RANBP2: variants seen among roughly 807,000 people sequenced by gnomAD.
The protein encoded by RANBP2 is E3 SUMO-protein ligase RanBP2.
RANBP2 carries 57 observed loss-of-function variants against 303.6 expected under a neutral mutation model. That is an observed-to-expected ratio of 0.19 (90% CI 0.15 to 0.23). The LOEUF is 0.23. Among genes scored for constraint, RANBP2 ranks in the 10% least tolerant of loss-of-function variants. The pLI, the probability that RANBP2 is intolerant of heterozygous loss-of-function variation, is 1.00. For synonymous variants in RANBP2, 1,167 were observed against 1,301.5 expected (o/e 0.90, Z 2.23); for missense variants, 3,138 against 3,780.8 (o/e 0.83, Z 4.46).
At chr2:109,566,703 C>G in the RANBP2 span, among the ~76,000 whole-genome samples, 139,059 of 152,060 alleles carry the variant, frequency 0.91, 63,738 homozygotes, top group Middle Eastern at 0.97. Context: ...AGCTAACCCA[C>G]ATCAAGAAGA....
chr2:108,832,651 A>G, the RANBP2 span, among the ~76,000 whole-genome samples: 52 of 152,300 alleles, frequency 3.4e-4, no homozygotes, highest in African/African-American at 1.2e-3. Flanking sequence ...TTTGAGAACC[A>G]CTGGTATAGG....
chr2:109,070,995 G>A, the RANBP2 span, among the ~76,000 whole-genome samples: 5 of 152,168 alleles, frequency 3.3e-5, no homozygotes, highest in African/African-American at 9.7e-5. Flanking sequence ...AGGAGCAGAT[G>A]TGAGCAAATT....
At chr2:109,399,387 G>A in the RANBP2 span, among the ~76,000 whole-genome samples, 1 of 152,100 alleles carries the variant, frequency 6.6e-6, no homozygotes, top group Non-Finnish European at 1.5e-5. Flanking sequence ...CTACATTGTT[G>A]AGTACTTTCG....
chr2:108,970,607 G>C, the RANBP2 span, among the ~76,000 whole-genome samples: 2 of 152,102 alleles, frequency 1.3e-5, no homozygotes, highest in East Asian at 1.9e-4. Context: ...GGTGGGGCAG[G>C]GGACCAAGGT....
the RANBP2 span, among the ~76,000 whole-genome samples, chr2:108,868,308 G>A: frequency 2.0e-5 from 3 of 152,146 alleles, no homozygotes; most frequent in Admixed American, 6.5e-5. Flanking sequence ...ATTACTGAAA[G>A]TAACTTGTAG....
the RANBP2 span, among the ~76,000 whole-genome samples, chr2:109,170,317 C>T: frequency 7.9e-6 from 1 of 126,990 alleles, no homozygotes; most frequent in African/African-American, 3.0e-5. Context: ...CTCTTCTCTC[C>T]TCTCTCTCTC....
chr2:109,563,940 G>A, the RANBP2 span, among the ~76,000 whole-genome samples: 1 of 152,140 alleles, frequency 6.6e-6, no homozygotes, highest in Non-Finnish European at 1.5e-5. Flanking sequence ...GGGCAACATA[G>A]TAAGACCCTG....
chr2:108,894,778 A>C, the RANBP2 span: 1 of 152,192 alleles, frequency 6.6e-6, no homozygotes, highest in Non-Finnish European at 1.5e-5. Flanking sequence ...GGAATTTGTA[A>C]CTATATAAGG....
At chr2:109,526,943 G>T in the RANBP2 span, among the ~76,000 whole-genome samples, 254 of 152,270 alleles carry the variant, frequency 1.7e-3, no homozygotes, top group African/African-American at 5.9e-3. Flanking sequence ...GCCTGCCTGC[G>T]TGGGGGCTGG....
the RANBP2 span, among the ~76,000 whole-genome samples, chr2:109,513,662 G>A: frequency 6.6e-6 from 1 of 152,200 alleles, no homozygotes; most frequent in Non-Finnish European, 1.5e-5. Flanking sequence ...CCTTCTCCCA[G>A]TTCTAGGACA....
the RANBP2 span, among the ~76,000 whole-genome samples, chr2:109,477,704 A>G: frequency 4.6e-5 from 7 of 152,230 alleles, no homozygotes; most frequent in African/African-American, 1.7e-4. Flanking sequence ...GAAGTCTGAG[A>G]TCCAGACACC....
chr2:109,408,628 C>T, the RANBP2 span, among the ~76,000 whole-genome samples: 6 of 152,250 alleles, frequency 3.9e-5, no homozygotes, highest in Non-Finnish European at 8.8e-5. Context: ...CCTCTCTGTA[C>T]AGGCAATGCC....
chr2:109,719,139 C>G, the RANBP2 span, among the ~76,000 whole-genome samples: 5 of 148,446 alleles, frequency 3.4e-5, no homozygotes, highest in Non-Finnish European at 7.4e-5. Flanking sequence ...TGTTGTTGCC[C>G]AGGCTGGAGT....
chr2:109,487,162 A>G, the RANBP2 span, among the ~76,000 whole-genome samples: 1 of 152,156 alleles, frequency 6.6e-6, no homozygotes, highest in African/African-American at 2.4e-5. Context: ...CCCAGGAGAA[A>G]CCCAGCAAAT....
chr2:109,090,176 C>T, the RANBP2 span, among the ~76,000 whole-genome samples: 2 of 151,894 alleles, frequency 1.3e-5, no homozygotes, highest in African/African-American at 2.4e-5. Flanking sequence ...GGGTTTTGTC[C>T]TGAAGGGCAA....
At chr2:109,585,177 A>T in the RANBP2 span, 1 of 1,610,230 alleles carries the variant, frequency 6.2e-7, no homozygotes, top group Admixed American at 1.7e-5. Context: ...CACAATGGTC[A>T]ATTTCAATTG....
At chr2:109,360,877 A>T in the RANBP2 span, among the ~76,000 whole-genome samples, 1 of 152,222 alleles carries the variant, frequency 6.6e-6, no homozygotes, top group Non-Finnish European at 1.5e-5. Flanking sequence ...GGCAGAGAGT[A>T]CATTCTTGCC....
the RANBP2 span, among the ~76,000 whole-genome samples, chr2:108,931,744 T>G: frequency 6.6e-6 from 1 of 152,080 alleles, no homozygotes. Flanking sequence ...TTTTTGCTTG[T>G]TTTTTCACTT....
Sources: allele counts gnomAD v4.1 joint callset (sites outside exome capture counted in the v4.1 genomes callset), GRCh38; gene constraint gnomAD v4.1.1; transcripts MANE v1.5; gene names NCBI Gene and HGNC (gene_info 2026-07-23, HGNC 2026-07-21).